The following LRRC14B variants were observed in gnomAD, a reference collection of about 807,000 sequenced individuals.
LRRC14B encodes the protein leucine rich repeat containing 14B, also known as leucine-rich repeat-containing protein 14B.
In LRRC14B, 23 loss-of-function variants were observed where a neutral mutation model predicts 16.9. That is an observed-to-expected ratio of 1.36 (90% confidence interval 0.98 to 1.92). The LOEUF is 1.92. LRRC14B is among the 30% of genes most tolerant of loss of function. LRRC14B has a pLI of 0.00. For missense variants in LRRC14B, 766 were observed against 705.7 expected, an observed-to-expected ratio of 1.09 and a Z score of -0.97; for synonymous variants, 358 against 332.5, an observed-to-expected ratio of 1.08 and a Z score of -0.83.
rs766886629 is a variant in LRRC14B, at chr5:194,985, C to T, written c.1177C>T (p.Leu393Phe). The T allele has an allele frequency of 1.2e-6, 2 of 1,613,502 alleles. No individual in the cohort carries two copies. The highest frequency in any genetic ancestry group is 1.1e-5 in the South Asian group (1 of 91,080). The change falls in exon 2 of 2, where the codon CTC becomes TTC. Residue 393 changes from leucine to phenylalanine, a missense_variant. By Grantham distance (22) the Leu-to-Phe change is conservative. Transcript: ENST00000328278. ...GLSPCHRLRQLKFLGNPLSAR... is the reference protein window; with the variant it reads ...GLSPCHRLRQFKFLGNPLSAR... ...GAGCCCCTGCCACCGGCTGCGCCAG[C>T]TCAAGTTCCTCGGGAACCCGCTGTC...
chr5:195,478 T>C lies in LRRC14B; in HGVS notation c.*125T>C, dbSNP rs898220648. 15 of 942,074 alleles carry C rather than the reference T, an allele frequency of 1.6e-5. No individual in the cohort carries two copies. The highest frequency in any genetic ancestry group is 2.3e-4 in the Middle Eastern group (1 of 4,380). The allele number at this position is 942,074 out of a possible 1,614,324, so 58.4% of individuals were successfully genotyped here. A position where few individuals can be genotyped will look rare whatever the true frequency, so the allele number is the denominator to read the frequency against. On this transcript the variant is annotated 3_prime_UTR_variant, in exon 2 of 2. Transcript: ENST00000328278. ...CACCACCACCACCAAAAGCAGTTCT[T>C]AGTGAAAATTGTAGGCGAGCCTGTT...
At position 194,960 on chromosome 5, in the gene LRRC14B, G is replaced by A; in HGVS notation, c.1152G>A (p.Leu384=). The part of the protein sequence containing the change: ...DSHVGMLILG[L]SPCHRLRQLK... Reference sequence around the variant, plus strand: ...ACGTTGGCATGCTGATCCTGGGCCTGAGCCCCTGCCACCGGCTGCGCCAGC... The same window carrying A: ...ACGTTGGCATGCTGATCCTGGGCCTAAGCCCCTGCCACCGGCTGCGCCAGC... Residue 384 remains leucine, a synonymous_variant, in exon 2 of 2, where the codon CTG becomes CTA. Transcript: ENST00000328278. The A allele has an allele frequency of 1.2e-6, 2 of 1,613,574 alleles. No individual in the cohort carries two copies. Among genetic ancestry groups the A allele is most frequent in the South Asian group, 2.2e-5 (2 of 91,074 alleles).
In LRRC14B at chr5:194,703, T is replaced by G; in HGVS notation, c.900-5T>G. On this transcript the variant is annotated splice_polypyrimidine_tract_variant and splice_region_variant and intron_variant, in intron 1 of 1. Transcript: ENST00000328278. The stretch of plus-strand genomic sequence containing the variant: ...CACCTGTGCTCTTTCCCCCGTGTCC[T>G]GCAGCCCCCTACAGACCCCGCTGCG... 4 of 1,594,942 alleles carry G rather than the reference T, an allele frequency of 2.5e-6. No homozygotes were observed. The highest frequency in any genetic ancestry group is 3.4e-6 in the Non-Finnish European group (4 of 1,169,692).
At position 192,094 on chromosome 5, in the gene LRRC14B, G is replaced by T; in HGVS notation, c.556G>T (p.Val186Leu). ...GCCAGCGGGCCCGGCCCCTCTGCGG[G>T]TGCACTGCCCCTCGTTCCGGGCGGA... ...LRPAGPAPLR[V>L]HCPSFRADSL... is the part of the protein sequence containing the mutation. The change falls in exon 1 of 2, where the codon GTG becomes TTG. Residue 186 changes from valine to leucine, a missense_variant. By Grantham distance (32) the Val-to-Leu change is conservative. Transcript: ENST00000328278. The T allele has an allele frequency of 6.4e-7, 1 of 1,554,940 alleles. No individual in the cohort carries two copies.
chr5:192,028 G>A lies in LRRC14B; in HGVS notation c.490G>A (p.Val164Ile). The stretch of plus-strand genomic sequence containing the variant: ...CGTCGAGGTCCTCGCCGACCTCTTC[G>A]TCACTGAGGGCAACTTCGAGGCGGT... ...RPVEVLADLF[V>I]TEGNFEAVVQ... Residue 164 changes from valine to isoleucine, a missense_variant, in exon 1 of 2, where the codon GTC becomes ATC. Coordinates refer to ENST00000328278, the MANE Select transcript of LRRC14B (RefSeq NM_001080478.3). 1.3e-6 allele frequency: 2 copies of A among 1,538,716 alleles called. No individual in the cohort carries two copies. Among genetic ancestry groups the A allele is most frequent in the Non-Finnish European group, 1.7e-6 (2 of 1,147,938 alleles).
chr5:192,322 G>A lies in LRRC14B; in HGVS notation c.784G>A (p.Asp262Asn), dbSNP rs1174532990. ...ACCCCCCACCTACGCCTCCACTCCC[G>A]ACGGCGAGGACCCCCTCCTCGCCTC... is the stretch of plus-strand genomic sequence containing the variant. ...DAPPTYASTP[D>N]GEDPLLASIA... Residue 262 changes from aspartate to asparagine, a missense_variant, in exon 1 of 2, where the codon GAC (aspartate) becomes AAC (asparagine). Physicochemically the swap from Asp to Asn is conservative, Grantham distance 23 (BLOSUM62 1). Transcript: ENST00000328278. 6.9e-6 allele frequency: 11 copies of A among 1,598,448 alleles called. No individual in the cohort carries two copies. Among genetic ancestry groups the A allele is most frequent in the South Asian group, 1.1e-5 (1 of 88,082 alleles).
Position 194,834 on chromosome 5 carries a change from C to G in LRRC14B, c.1026C>G (p.Asn342Lys), listed in dbSNP as rs1268509307. The G allele has an allele frequency of 1.9e-6, 3 of 1,598,024 alleles. No homozygotes were observed. The highest frequency in any genetic ancestry group is 1.3e-5 in the African/African-American group (1 of 74,636). The change falls in exon 2 of 2, where the codon AAC becomes AAG. Residue 342 changes from asparagine to lysine, a missense_variant. By Grantham distance (94) the Asn-to-Lys change is moderately conservative (BLOSUM62 0). Transcript: ENST00000328278. ...AGGTGCTGGACCTCAGTGGACACAA[C>G]CTGGTCAGCCTGTACCCCTCGACCT... Reference protein sequence around the residue: ...HLEVLDLSGHNLVSLYPSTFF... With the variant: ...HLEVLDLSGHKLVSLYPSTFF...
intron 1 of LRRC14B, 33 bp downstream of exon 1, chr5:192,470 G>A: frequency 1.4e-6 from 2 of 1,479,122 alleles, no homozygotes; most frequent in Non-Finnish European, 1.8e-6. Context: ...AGGGCGGGCT[G>A]GTGGCTGCAG....
At position 195,723 on chromosome 5, in the gene LRRC14B, G is replaced by T. The variant is rs1733905016; in HGVS notation, c.*370G>T. The T allele has an allele frequency of 1.1e-5, 3 of 279,020 alleles. No homozygotes were observed. In the South Asian group the frequency reaches 1.4e-4, roughly 13 times the overall value. The allele number at this position is 279,020 out of a possible 1,614,324, so 17.3% of individuals were successfully genotyped here. On this transcript the variant is annotated 3_prime_UTR_variant, in exon 2 of 2. Coordinates refer to ENST00000328278, the MANE Select transcript of LRRC14B (RefSeq NM_001080478.3). ...GCACTGGGCGCAAGATGAAGCTTCA[G>T]GGGGCAGATGTGACTGGGCTCCACA...
chr5:193,158 C>T (rs1733840770), intron 1 of LRRC14B, among the ~76,000 whole-genome samples: 2 of 149,874 alleles, frequency 1.3e-5, no homozygotes, highest in South Asian at 4.3e-4. Flanking sequence ...AGTGATGGGT[C>T]CTGGGGAACG....
chr5:191,921 C>T lies in LRRC14B; in HGVS notation c.383C>T (p.Ala128Val), dbSNP rs1450199408. The T allele has an allele frequency of 6.0e-6, 9 of 1,510,690 alleles. No homozygotes were observed. Among genetic ancestry groups the T allele is most frequent in the Middle Eastern group, 2.3e-4 (1 of 4,428 alleles). 93.6% of individuals were successfully genotyped at this position (1,510,690 alleles called of 1,614,324 possible). ...VQVQRCPCGR[A>V]LGRWGRTQLL... The stretch of plus-strand genomic sequence containing the variant: ...GTGCAGCGGTGCCCGTGCGGGAGGG[C>T]GCTGGGCAGGTGGGGCCGCACCCAG... The change falls in exon 1 of 2, where the codon GCG becomes GTG. Residue 128 changes from alanine to valine, a missense_variant. Ala to Val is a moderately conservative substitution (Grantham distance 64). Coordinates refer to ENST00000328278, the MANE Select transcript of LRRC14B (RefSeq NM_001080478.3).
chr5:193,561 G>A (rs1733853219), intron 1 of LRRC14B, among the ~76,000 whole-genome samples: 1 of 149,450 alleles, frequency 6.7e-6, no homozygotes, highest in Admixed American at 6.6e-5. Flanking sequence ...CTGGGGTGGG[G>A]GGTGGCTGGC....
rs745381285 is a variant in LRRC14B at position 192,425 on chromosome 5, C to G, written c.887C>G (p.Pro296Arg). 2.0e-6 allele frequency: 3 copies of G among 1,536,738 alleles called. No homozygotes were observed. The highest frequency in any genetic ancestry group is 2.6e-6 in the Non-Finnish European group (3 of 1,138,558). Residue 296 changes from proline (P) to arginine (R), a missense_variant, in exon 1 of 2, where the codon CCG (proline) becomes CGG (arginine). Coordinates refer to ENST00000328278, the MANE Select transcript of LRRC14B (RefSeq NM_001080478.3). ...VAFSTLTGKI[P>R]TLLGPLQTPL... Reference sequence around the variant, plus strand: ...TTCTCCACGCTGACCGGGAAGATCCCGACGCTGCTTGGGTGAGTCTTGGGG... The same window carrying G: ...TTCTCCACGCTGACCGGGAAGATCCGGACGCTGCTTGGGTGAGTCTTGGGG...
At chr5:192,749 G>A (rs1733833430) in intron 1 of LRRC14B, among the ~76,000 whole-genome samples, 1 of 152,156 alleles carries the variant, frequency 6.6e-6, no homozygotes. Flanking sequence ...GTTGTCTATT[G>A]TTGATGAACG....
At chr5:193,343 G>A (rs902277269) in intron 1 of LRRC14B, among the ~76,000 whole-genome samples, 20 of 149,572 alleles carry the variant, frequency 1.3e-4, no homozygotes, top group Non-Finnish European at 2.5e-4. Flanking sequence ...TGGGTCTAGG[G>A]GGAAGGGGTG....
At chr5:192,551 A>G (rs896862138) in intron 1 of LRRC14B, 114 bp downstream of exon 1, 13 of 1,134,658 alleles carry the variant, frequency 1.1e-5, no homozygotes, top group Non-Finnish European at 1.4e-5. Flanking sequence ...CCAGCCTCTC[A>G]CTCCGGGTGT....
rs758708858 is a variant in LRRC14B at position 194,900 on chromosome 5, C to T, written c.1092C>T (p.Ile364=). 6.2e-7 allele frequency: 1 copy of T among 1,605,384 alleles called. No homozygotes were observed. The highest frequency in any genetic ancestry group is 2.3e-5 in the East Asian group (1 of 44,426). Residue 364 remains isoleucine (I), a synonymous_variant, in exon 2 of 2, where the codon ATC becomes ATT. Transcript: ENST00000328278. The part of the protein sequence containing the change: ...LLSQASRTLR[I]LTLEECGIVD... ...GCCAGGCTTCCCGGACGCTGAGGAT[C>T]CTGACACTGGAGGAGTGTGGCATCG...
At position 191,617 on chromosome 5, in the gene LRRC14B, G is replaced by C; in HGVS notation, c.79G>C (p.Asp27His). Residue 27 changes from aspartate (D) to histidine (H), a missense_variant, in exon 1 of 2, where the codon GAC (aspartate) becomes CAC (histidine). Asp to His is a moderately conservative substitution (Grantham distance 81, BLOSUM62 -1). Coordinates refer to ENST00000328278, the MANE Select transcript of LRRC14B (RefSeq NM_001080478.3). The part of the protein sequence containing the change: ...SHPQVARQSL[D>H]SVAHNLYPLL... ...CCCCCAGGTGGCCCGGCAGAGCCTG[G>C]ACAGCGTGGCCCACAACCTCTACCC... The C allele has an allele frequency of 6.2e-7, 1 of 1,611,568 alleles. No individual in the cohort carries two copies. Among genetic ancestry groups the C allele is most frequent in the Non-Finnish European group, 8.5e-7 (1 of 1,179,322 alleles).
intron 1 of LRRC14B, 21 bp downstream of exon 1, chr5:192,458 T>A: frequency 6.7e-7 from 1 of 1,494,222 alleles, no homozygotes; most frequent in Non-Finnish European, 8.9e-7. Flanking sequence ...GGGAGGGGAC[T>A]GAGGGCGGGC....
Sources: allele counts gnomAD v4.1 joint callset (sites outside exome capture counted in the v4.1 genomes callset), GRCh38; gene constraint gnomAD v4.1.1; transcripts MANE v1.5; gene names NCBI Gene and HGNC (gene_info 2026-07-23, HGNC 2026-07-21).